Variants in SLC4A7 observed in about 807,000 individuals in gnomAD.
SLC4A7 encodes sodium bicarbonate cotransporter 3.
SLC4A7 carries 51 observed loss-of-function variants against 137.6 expected under a neutral mutation model. That is an observed-to-expected ratio of 0.37 (90% CI 0.30 to 0.47). The LOEUF (loss-of-function observed/expected upper bound fraction) is 0.47. SLC4A7 is among the 20% of genes least tolerant of loss of function. The pLI, the probability that SLC4A7 is intolerant of heterozygous loss-of-function variation, is 1.00. For synonymous variants in SLC4A7, 542 were observed against 518.6 expected, an observed-to-expected ratio of 1.05 and a Z score of -0.61; for missense variants, 1,247 against 1,525.4, an observed-to-expected ratio of 0.82 and a Z score of 3.04.
At chr3:27,433,249 A>T (rs2056467881) in intron 6 of SLC4A7, 3 of 152,396 alleles carry the variant, frequency 2.0e-5, no homozygotes, top group African/African-American at 7.2e-5. Flanking sequence ...ACTCTCCATA[A>T]GCCACTCTGA....
intron 9 of SLC4A7, among the ~76,000 whole-genome samples, chr3:27,421,287 T>C (rs1337242693): frequency 5.3e-5 from 8 of 151,806 alleles, no homozygotes; most frequent in African/African-American, 1.7e-4. Flanking sequence ...ATCACTTAAG[T>C]AGGAGTTCGA....
At chr3:27,407,446 C>T (rs1459438557) in intron 13 of SLC4A7, among the ~76,000 whole-genome samples, 4 of 150,610 alleles carry the variant, frequency 2.7e-5, no homozygotes, top group African/African-American at 9.8e-5. Flanking sequence ...CGCCACTGCA[C>T]TCCAGCCTGG....
At chr3:27,420,519 T>C (rs2054859525) in intron 10 of SLC4A7, among the ~76,000 whole-genome samples, 181 bp downstream of exon 10, 1 of 152,084 alleles carries the variant, frequency 6.6e-6, no homozygotes, top group Non-Finnish European at 1.5e-5. Context: ...GATCTTGATA[T>C]AAAGGTCTTA....
intron 5 of SLC4A7, among the ~76,000 whole-genome samples, chr3:27,434,445 T>C (rs1184599764): frequency 2.6e-5 from 4 of 152,186 alleles, no homozygotes; most frequent in African/African-American, 9.7e-5. Flanking sequence ...GGTATTTTAT[T>C]GCCAAACCTC....
At chr3:27,424,310 C>A in intron 7 of SLC4A7, 158 bp from the exon 8 acceptor site, 1 of 458,668 alleles carries the variant, frequency 2.2e-6, no homozygotes, top group Non-Finnish European at 3.8e-6. Context: ...ACCAGCAAAA[C>A]TAGAACAACA....
intron 1 of SLC4A7, among the ~76,000 whole-genome samples, chr3:27,463,604 C>T (rs1281816492): frequency 6.6e-6 from 1 of 152,070 alleles, no homozygotes; most frequent in African/African-American, 2.4e-5. Flanking sequence ...GTGAGACAGC[C>T]AAATAAAAAG....
chr3:27,399,776 G>A (rs2150135970), intron 16 of SLC4A7, among the ~76,000 whole-genome samples: 1 of 152,250 alleles, frequency 6.6e-6, no homozygotes, highest in South Asian at 2.1e-4. Context: ...AGATGATGCA[G>A]ATAATGTAAC....
intron 1 of SLC4A7, among the ~76,000 whole-genome samples, chr3:27,474,601 C>G (rs1576672832): frequency 6.6e-6 from 1 of 151,924 alleles, no homozygotes; most frequent in East Asian, 1.9e-4. Flanking sequence ...ATCCCATCTA[C>G]TCGGGAGGCT....
intron 7 of SLC4A7, among the ~76,000 whole-genome samples, chr3:27,430,199 C>T (rs538572359): frequency 7.2e-4 from 110 of 152,010 alleles, no homozygotes; most frequent in Non-Finnish European, 1.3e-3. Flanking sequence ...TGGCACTGCA[C>T]TCCAGCCTGG....
rs769722179 is a variant in SLC4A7, at chr3:27,418,601, T to G, written c.1544A>C (p.Asp515Ala). Residue 515 changes from aspartate (D) to alanine (A), a missense_variant, in exon 11 of 26, where the codon GAC (aspartate) becomes GCC (alanine). Asp to Ala is a moderately radical substitution (Grantham distance 126). Around this residue, in one of 6 missense-constraint regions of SLC4A7, gnomAD observed 499 missense variants for 664.2 expected, o/e 0.75. Transcript: ENST00000454389. ...AATTCCAGATAAGAGGTCATTTCTG[T>G]CTTTTGCTTTATAAGCTACATCATG... Reference protein sequence around the residue: ...IFHDVAYKAKDRNDLLSGIDE... With the variant: ...IFHDVAYKAKARNDLLSGIDE... 5.6e-6 allele frequency: 9 copies of G among 1,595,842 alleles called. No homozygotes were observed. Among genetic ancestry groups the G allele is most frequent in the Non-Finnish European group, 7.7e-6 (9 of 1,165,772 alleles).
intron 3 of SLC4A7, among the ~76,000 whole-genome samples, chr3:27,445,735 T>C (rs1207232738): frequency 1.5e-5 from 2 of 131,948 alleles, no homozygotes; most frequent in Non-Finnish European, 3.1e-5. Context: ...CTGGCCAACA[T>C]ACTGAAATCC....
chr3:27,414,573 A>G (rs1320195557), intron 11 of SLC4A7, among the ~76,000 whole-genome samples: 1 of 152,218 alleles, frequency 6.6e-6, no homozygotes, highest in Non-Finnish European at 1.5e-5. Flanking sequence ...GGACAGTACC[A>G]ATCCTTGTTT....
At position 27,409,342 on chromosome 3, in the gene SLC4A7, A is replaced by G. The variant is rs368739023; in HGVS notation, c.1941+14T>C. The G allele has an allele frequency of 2.5e-5, 39 of 1,584,804 alleles. No homozygotes were observed. The highest frequency in any genetic ancestry group is 4.5e-5 in the East Asian group (2 of 44,604). On this transcript the variant is annotated intron_variant, in intron 13 of 25. Transcript: ENST00000454389. ...AGAGCTAAAAGCCTGGCCACTACCA[A>G]TCTTTGTACTCACTATTCTGCCTTC...
In SLC4A7 at chr3:27,376,629, A is replaced by G. The variant is rs2049915145; in HGVS notation, c.*135T>C. ...ATAGTCTCCACGGTGCTCATTACAA[A>G]CTCCAGACACTACTTTTAAAAACCC... On this transcript the variant is annotated 3_prime_UTR_variant, in exon 26 of 26. Coordinates refer to ENST00000454389, the MANE Select transcript of SLC4A7 (RefSeq NM_001321103.2). The G allele has an allele frequency of 2.0e-6, 1 of 509,932 alleles. No individual in the cohort carries two copies. The highest frequency in any genetic ancestry group is 3.2e-5 in the Admixed American group (1 of 31,348). 31.6% of individuals were successfully genotyped at this position (509,932 alleles called of 1,614,324 possible). A position where few individuals can be genotyped will look rare whatever the true frequency, so the allele number is the denominator to read the frequency against.
Position 27,452,554 on chromosome 3 carries a change from T to TA in SLC4A7, c.61-57dup. 2.6e-6 allele frequency: 3 copies of TA among 1,132,380 alleles called. No homozygotes were observed. The South Asian group carries it at 4.4e-5, about 17-fold the overall frequency. The allele number at this position is 1,132,380 out of a possible 1,614,324, so 70.1% of individuals were successfully genotyped here. On this transcript the variant is annotated intron_variant, in intron 1 of 25. Coordinates refer to ENST00000454389, the MANE Select transcript of SLC4A7 (RefSeq NM_001321103.2). ...AGATCACAATCTATTGAGGACCTAT[T>TA]ATATGCATCCTTTGAAATGGCAACA...
chr3:27,446,632 C>G (rs750590703), intron 3 of SLC4A7, among the ~76,000 whole-genome samples: 4 of 152,076 alleles, frequency 2.6e-5, no homozygotes, highest in Non-Finnish European at 5.9e-5. Flanking sequence ...GAGAAGCATA[C>G]TGATCCATTT....
At chr3:27,466,948 G>A (rs1559838199) in intron 1 of SLC4A7, among the ~76,000 whole-genome samples, 1 of 152,284 alleles carries the variant, frequency 6.6e-6, no homozygotes, top group South Asian at 2.1e-4. Context: ...AACAATGGAT[G>A]AGTGAGGAAG....
rs760382395 is a variant in SLC4A7 at position 27,383,254 on chromosome 3, T to C, written c.3493-4A>G. ...CTTGAAGCATCCGTTCAGCTTCCTT[T>C]ATAACACATGTGTGAAGAGGTTACT... On this transcript the variant is annotated splice_polypyrimidine_tract_variant and splice_region_variant and intron_variant, in intron 23 of 25. Transcript: ENST00000454389. 15 of 1,581,500 alleles carry C rather than the reference T, an allele frequency of 9.5e-6. No homozygotes were observed. The highest frequency in any genetic ancestry group is 3.4e-5 in the Admixed American group (2 of 59,418).
At position 27,377,681 on chromosome 3, in the gene SLC4A7, C is replaced by T. The variant is rs2050029480; in HGVS notation, c.3699-836G>A. On this transcript the variant is annotated intron_variant, in intron 25 of 25. Transcript: ENST00000454389. ...GTGTTGGGATTACAGGCCTGAACCA[C>T]TGCACCCGGCCAACCTATTCTATAT... 2.0e-5 allele frequency among the ~76,000 whole-genome samples: 3 copies of T among 152,238 alleles called. No homozygotes were observed. In the South Asian group the frequency reaches 6.2e-4, roughly 31 times the overall value.
Sources: allele counts gnomAD v4.1 joint callset (sites outside exome capture counted in the v4.1 genomes callset), GRCh38; gene constraint gnomAD v4.1.1; regional missense constraint gnomAD v4.1.1; transcripts MANE v1.5; gene names NCBI Gene and HGNC (gene_info 2026-07-23, HGNC 2026-07-21).